CHN2: variants seen among roughly 807,000 people sequenced by gnomAD.
CHN2 encodes chimerin 2, also known as beta-chimaerin.
Under a neutral mutation model 56.3 loss-of-function variants are expected in CHN2, and 35 were observed. That is an observed-to-expected ratio of 0.62 (90% confidence interval 0.47 to 0.82). The LOEUF (loss-of-function observed/expected upper bound fraction) is 0.82, where lower values mean the gene tolerates loss of function less well. CHN2 is among the 40% of genes least tolerant of loss of function. The pLI is 0.00. For synonymous variants in CHN2, 210 were observed against 212.8 expected (o/e 0.99, Z 0.12); for missense variants, 491 against 580.5 (o/e 0.85, Z 1.58).
At chr7:29,260,343 CTTTAT>C (rs1487695667) in intron 1 of CHN2, among the ~76,000 whole-genome samples, 1 of 152,168 alleles carries the variant, frequency 6.6e-6, no homozygotes, top group African/African-American at 2.4e-5. Context: ...ATATCAGGTA[CTTTAT>C]TTTATAAAAT....
At chr7:29,290,108 C>A (rs1470524137) in intron 1 of CHN2, among the ~76,000 whole-genome samples, 2 of 152,172 alleles carry the variant, frequency 1.3e-5, no homozygotes, top group African/African-American at 2.4e-5. Flanking sequence ...ATTGCTTGGG[C>A]CTTGTTCCTG....
At chr7:29,299,713 TG>T (rs1793493142) in intron 1 of CHN2, among the ~76,000 whole-genome samples, 1 of 152,216 alleles carries the variant, frequency 6.6e-6, no homozygotes, top group African/African-American at 2.4e-5. Context: ...TAATATTGCT[TG>T]TTGTCCCATA....
chr7:29,433,016 G>A (rs887609386), intron 6 of CHN2, among the ~76,000 whole-genome samples: 5 of 152,178 alleles, frequency 3.3e-5, no homozygotes, highest in African/African-American at 1.2e-4. Flanking sequence ...AAGAATTCTT[G>A]CACGGATATA....
intron 2 of CHN2, among the ~76,000 whole-genome samples, chr7:29,366,941 A>C (rs1799211328): frequency 6.6e-6 from 1 of 152,242 alleles, no homozygotes; most frequent in Non-Finnish European, 1.5e-5. Flanking sequence ...ACCTAAAAAT[A>C]GATCAGAAAG....
At chr7:29,509,099 A>G (rs1172960589) in intron 11 of CHN2, among the ~76,000 whole-genome samples, 7 of 152,220 alleles carry the variant, frequency 4.6e-5, no homozygotes, top group African/African-American at 7.2e-5. Flanking sequence ...AGGACATTCA[A>G]TAAGCATGTG....
At chr7:29,357,456 T>C (rs1005373660) in intron 2 of CHN2, among the ~76,000 whole-genome samples, 1 of 152,264 alleles carries the variant, frequency 6.6e-6, no homozygotes, top group African/African-American at 2.4e-5. Flanking sequence ...ATCGAGCTCA[T>C]GCTACTCCAT....
rs1281209153 is a variant in CHN2, at chr7:29,195,049, C to A, written c.49+59C>A. 5.2e-6 allele frequency: 8 copies of A among 1,536,758 alleles called. No individual in the cohort carries two copies. The East Asian group carries it at 2.0e-4, about 39-fold the overall frequency. ...CCGGGTCTCGCCCCACTGCCCTCGC[C>A]CCGCAGCCTGGGATGGACAGAGCCT... On this transcript the variant is annotated intron_variant, in intron 1 of 12. Coordinates refer to ENST00000222792, the MANE Select transcript of CHN2 (RefSeq NM_004067.4).
chr7:29,149,491 GC>G (rs1793291512), intron 2 of CHN2, among the ~76,000 whole-genome samples: 1 of 152,134 alleles, frequency 6.6e-6, no homozygotes, highest in Non-Finnish European at 1.5e-5. Context: ...ACCGTGCCCA[GC>G]CTGGAAATCC....
At chr7:29,473,470 GTT>G (rs765290417) in intron 6 of CHN2, among the ~76,000 whole-genome samples, 43 of 93,484 alleles carry the variant, frequency 4.6e-4, no homozygotes, top group Admixed American at 1.2e-3. Context: ...GTGTGTTTGT[GTT>G]TTTTTTTTTT....
chr7:29,431,054 A>G (rs1782820917), intron 6 of CHN2, among the ~76,000 whole-genome samples: 1 of 152,144 alleles, frequency 6.6e-6, no homozygotes, highest in Non-Finnish European at 1.5e-5. Context: ...TGGGGGGCAG[A>G]GAATCTGCCC....
chr7:29,171,138 T>TC (rs371817621), intron 2 of CHN2, among the ~76,000 whole-genome samples: 1 of 152,076 alleles, frequency 6.6e-6, no homozygotes, highest in African/African-American at 2.4e-5. Context: ...ACTGCCGGTT[T>TC]CCCCCCAGTT....
intron 1 of CHN2, among the ~76,000 whole-genome samples, chr7:29,213,395 T>C (rs1282300161): frequency 6.6e-6 from 1 of 152,098 alleles, no homozygotes; most frequent in Non-Finnish European, 1.5e-5. Context: ...ATCAGAGAGG[T>C]TTCTTTCTTT....
At chr7:29,396,526 C>G (rs1037995656) in intron 4 of CHN2, 2 of 152,218 alleles carry the variant, frequency 1.3e-5, no homozygotes, top group African/African-American at 4.8e-5. Flanking sequence ...TAGAGACTAC[C>G]CCTTTTCCTG....
intron 1 of CHN2, among the ~76,000 whole-genome samples, chr7:29,296,115 G>T (rs570450910): frequency 6.7e-6 from 1 of 149,054 alleles, no homozygotes; most frequent in South Asian, 2.1e-4. Context: ...ACAGAGTCTC[G>T]CTCTGTCGCC....
intron 6 of CHN2, among the ~76,000 whole-genome samples, chr7:29,436,875 T>C (rs1030612631): frequency 5.3e-5 from 8 of 152,100 alleles, no homozygotes; most frequent in African/African-American, 1.7e-4. Context: ...TAAACTTTTA[T>C]ATTCCAATCA....
At chr7:29,473,480 T>TGTGTGTG (rs1221993716) in intron 6 of CHN2, among the ~76,000 whole-genome samples, 4 of 130,910 alleles carry the variant, frequency 3.1e-5, no homozygotes, top group African/African-American at 1.2e-4. Context: ...GTTTTTTTTT[T>TGTGTGTG]TTTGTGTGTG....
At chr7:29,483,797 C>T in intron 7 of CHN2, 1 of 1,152,112 alleles carries the variant, frequency 8.7e-7, no homozygotes, top group Non-Finnish European at 1.1e-6. Flanking sequence ...GCTTGCTCGG[C>T]TTCCTGCCCA....
At chr7:29,431,245 A>G (rs10281477) in intron 6 of CHN2, among the ~76,000 whole-genome samples, 53,840 of 152,042 alleles carry the variant, frequency 0.35, 9,739 homozygotes, top group East Asian at 0.49. Flanking sequence ...AGAAGGCCCT[A>G]CCATCACTTT....
chr7:29,294,142 A>G (rs1014006460), intron 1 of CHN2, among the ~76,000 whole-genome samples: 7 of 152,198 alleles, frequency 4.6e-5, no homozygotes, highest in African/African-American at 1.7e-4. Context: ...CTGGGATTAC[A>G]GGTGTGAGCC....
Sources: gnomAD v4.1 joint callset for allele counts (sites outside exome capture counted in the v4.1 genomes callset) on GRCh38, gnomAD v4.1.1 for gene constraint, MANE v1.5 for transcripts, NCBI Gene and HGNC (gene_info 2026-07-23, HGNC 2026-07-21) for gene names.